The following FOXP2 variants were observed in gnomAD, a reference collection of about 807,000 sequenced individuals.
FOXP2 encodes forkhead box protein P2.
In FOXP2, 12 loss-of-function variants were observed where a neutral mutation model predicts 115.8. The observed-to-expected ratio is 0.10, with a 90% confidence interval of 0.07 to 0.17. The LOEUF is 0.17. Ranked by LOEUF, FOXP2 falls within the 10% of genes least tolerant of loss-of-function variation. The probability of loss-of-function intolerance (pLI) is 1.00; values close to 1 mark genes in which losing one functional copy is unlikely to be tolerated. For missense variants in FOXP2, 629 were observed against 843.5 expected (o/e 0.75, Z 3.15); for synonymous variants, 328 against 297.7 (o/e 1.10, Z -1.05).
At chr7:114,652,520 A>G (rs960708178) in intron 9 of FOXP2, among the ~76,000 whole-genome samples, 3 of 152,136 alleles carry the variant, frequency 2.0e-5, no homozygotes, top group Non-Finnish European at 4.4e-5. Context: ...CTTTTAGACC[A>G]CATCATATGA....
At chr7:114,341,776 T>A (rs1319787800) in intron 2 of FOXP2, among the ~76,000 whole-genome samples, 1 of 151,338 alleles carries the variant, frequency 6.6e-6, no homozygotes, top group East Asian at 1.9e-4. Flanking sequence ...AAGGAATCTT[T>A]TCCCCTTCTT....
chr7:114,639,955 A>G (rs1805431789), intron 6 of FOXP2, among the ~76,000 whole-genome samples: 1 of 152,160 alleles, frequency 6.6e-6, no homozygotes, highest in Non-Finnish European at 1.5e-5. Flanking sequence ...ACATTTATAG[A>G]GAGAATACTT....
chr7:114,186,616 CA>C (rs1436647496), intron 1 of FOXP2, among the ~76,000 whole-genome samples: 4 of 152,204 alleles, frequency 2.6e-5, no homozygotes, highest in Non-Finnish European at 2.9e-5. Context: ...GCAACTTTGC[CA>C]GGTTGGTGTT....
At position 114,560,226 on chromosome 7, in the gene FOXP2, G is replaced by A. The variant is rs115192731; in HGVS notation, c.258+25520G>A. Among the ~76,000 whole-genome samples the A allele has an allele frequency of 5.7e-3, 871 of 152,190 alleles. 6 individuals carry two copies. Among genetic ancestry groups the A allele is most frequent in the African/African-American group, 0.019 (803 of 41,522 alleles). ...ATTTAACCCCAAGTTTTATTTTGCC[G>A]TTTTTACATATTAAGTTGTGCTTTG... On this transcript the variant is annotated intron_variant, in intron 3 of 16. Transcript: ENST00000350908.
intron 1 of FOXP2, among the ~76,000 whole-genome samples, chr7:114,279,569 G>A (rs1393802695): frequency 1.3e-5 from 2 of 152,094 alleles, no homozygotes; most frequent in Non-Finnish European, 2.9e-5. Flanking sequence ...GCAGGAAAGT[G>A]GCTGCATAGT....
intron 2 of FOXP2, among the ~76,000 whole-genome samples, chr7:114,430,003 G>A (rs978267480): frequency 6.6e-6 from 1 of 151,588 alleles, no homozygotes. Flanking sequence ...TTATGTGTAA[G>A]GAAATAAATA....
chr7:114,679,185 G>A (rs1043987098), intron 16 of FOXP2, among the ~76,000 whole-genome samples: 1 of 151,766 alleles, frequency 6.6e-6, no homozygotes, highest in Non-Finnish European at 1.5e-5. Flanking sequence ...GGCTGGTCTC[G>A]AATTCCTGAC....
chr7:114,178,331 AT>A (rs1309750971), intron 1 of FOXP2, among the ~76,000 whole-genome samples: 1 of 151,564 alleles, frequency 6.6e-6, no homozygotes, highest in Non-Finnish European at 1.5e-5. Context: ...TATGATAGTT[AT>A]TTTTTTCCTA....
chr7:114,236,875 G>T (rs1022887055), intron 1 of FOXP2, among the ~76,000 whole-genome samples: 7 of 152,080 alleles, frequency 4.6e-5, no homozygotes, highest in Non-Finnish European at 1.0e-4. Context: ...TACTCGGGAG[G>T]GTGAGGCAGG....
At chr7:114,120,337 G>A (rs118128622) in intron 1 of FOXP2, among the ~76,000 whole-genome samples, 120 of 152,246 alleles carry the variant, frequency 7.9e-4, no homozygotes, top group Admixed American at 1.4e-3. Context: ...GTTTTGTATG[G>A]CGTTATGGCA....
At chr7:114,237,455 G>A (rs1795039638) in intron 1 of FOXP2, among the ~76,000 whole-genome samples, 1 of 152,156 alleles carries the variant, frequency 6.6e-6, no homozygotes, top group African/African-American at 2.4e-5. Flanking sequence ...TGCCATGCAA[G>A]TAATTGCCAT....
chr7:114,512,114 T>C (rs930268758), intron 2 of FOXP2, among the ~76,000 whole-genome samples: 4 of 152,194 alleles, frequency 2.6e-5, no homozygotes, highest in African/African-American at 7.2e-5. Context: ...TAGTTAGTTA[T>C]TGGCTTTATA....
chr7:114,503,898 A>G (rs1379726975), intron 2 of FOXP2, among the ~76,000 whole-genome samples: 3 of 151,494 alleles, frequency 2.0e-5, no homozygotes, highest in African/African-American at 7.2e-5. Context: ...ATATAAATAA[A>G]TTTTACTTTT....
chr7:114,311,756 T>C (rs1797151136), intron 2 of FOXP2, among the ~76,000 whole-genome samples: 1 of 152,136 alleles, frequency 6.6e-6, no homozygotes, highest in Non-Finnish European at 1.5e-5. Flanking sequence ...GGAAACTGAA[T>C]TGTAGCCTTT....
chr7:114,646,491 G>T (rs1375322750), intron 8 of FOXP2, among the ~76,000 whole-genome samples: 1 of 151,876 alleles, frequency 6.6e-6, no homozygotes, highest in Admixed American at 6.6e-5. Flanking sequence ...AAAAACCAAA[G>T]AAATTACAAT....
At chr7:114,246,916 T>C (rs537318978) in intron 1 of FOXP2, among the ~76,000 whole-genome samples, 2 of 152,294 alleles carry the variant, frequency 1.3e-5, no homozygotes, top group African/African-American at 4.8e-5. Flanking sequence ...TTAAAAAAAT[T>C]GTGGTGGACT....
chr7:114,538,447 C>A, intron 3 of FOXP2: 1 of 904,912 alleles, frequency 1.1e-6, no homozygotes, highest in Non-Finnish European at 1.6e-6. Flanking sequence ...TCACTTCCTT[C>A]ATTGTAGGTT....
intron 3 of FOXP2, among the ~76,000 whole-genome samples, chr7:114,542,452 T>C (rs928804617): frequency 3.3e-5 from 5 of 152,194 alleles, no homozygotes; most frequent in Non-Finnish European, 7.4e-5. Flanking sequence ...CACTTGAGTA[T>C]CTCAGCTACT....
chr7:114,619,370 G>A (rs1804114491), intron 3 of FOXP2, among the ~76,000 whole-genome samples: 3 of 152,010 alleles, frequency 2.0e-5, no homozygotes, highest in South Asian at 2.1e-4. Context: ...TCTATAAAGA[G>A]CAATTATTTT....
Sources: gnomAD v4.1 joint callset for allele counts (sites outside exome capture counted in the v4.1 genomes callset) on GRCh38, gnomAD v4.1.1 for gene constraint, MANE v1.5 for transcripts, NCBI Gene and HGNC (gene_info 2026-07-23, HGNC 2026-07-21) for gene names.